CSMD2: variants seen among roughly 807,000 people sequenced by gnomAD.
CSMD2 encodes the protein CUB and Sushi multiple domains 2.
CSMD2 carries 130 observed loss-of-function variants against 398.5 expected under a neutral mutation model. That is an observed-to-expected ratio of 0.33 (90% CI 0.28 to 0.38). The LOEUF (loss-of-function observed/expected upper bound fraction) is 0.38, where lower values mean the gene tolerates loss of function less well. CSMD2 is among the 10% of genes least tolerant of loss of function. CSMD2 has a pLI of 1.00. For missense variants in CSMD2, 3,829 were observed against 4,764.9 expected (o/e 0.80, Z 5.78); for synonymous variants, 1,828 against 1,908.5 (o/e 0.96, Z 1.10).
At chr1:33,581,200 T>C (rs58276951) in intron 47 of CSMD2, among the ~76,000 whole-genome samples, 7,051 of 151,890 alleles carry the variant, frequency 0.046, 574 homozygotes, top group African/African-American at 0.16. Flanking sequence ...GAGCTGGTTT[T>C]CAAACTGGGA....
intron 5 of CSMD2, among the ~76,000 whole-genome samples, chr1:33,894,467 A>G (rs1255761406): frequency 6.6e-6 from 1 of 152,024 alleles, no homozygotes; most frequent in South Asian, 2.1e-4. Context: ...TCATTCAATG[A>G]CTTTCAGGAA....
chr1:34,092,716 C>T (rs953700488), intron 1 of CSMD2, among the ~76,000 whole-genome samples: 9 of 152,150 alleles, frequency 5.9e-5, no homozygotes, highest in South Asian at 2.1e-4. Flanking sequence ...TAAAAAACGG[C>T]GCACCACGAG....
chr1:33,572,391 G>GTTTT, intron 50 of CSMD2, 115 bp downstream of exon 50: 1 of 823,438 alleles, frequency 1.2e-6, no homozygotes, highest in Non-Finnish European at 1.8e-6. Context: ...CCATGTCCAT[G>GTTTT]TTTTTTTTTT....
At chr1:33,714,887 G>T in intron 20 of CSMD2, 112 bp from the exon 21 acceptor site, 1 of 1,045,910 alleles carries the variant, frequency 9.6e-7, no homozygotes, top group Non-Finnish European at 1.4e-6. Context: ...GACAACGAAA[G>T]ACAGAGAAGA....
At chr1:33,852,099 C>G (rs1191095623) in intron 5 of CSMD2, among the ~76,000 whole-genome samples, 2 of 152,030 alleles carry the variant, frequency 1.3e-5, no homozygotes, top group African/African-American at 4.8e-5. Flanking sequence ...TGCAACTGCT[C>G]CCCCTAATCT....
At chr1:33,915,691 G>A (rs1643685865) in intron 5 of CSMD2, among the ~76,000 whole-genome samples, 1 of 152,230 alleles carries the variant, frequency 6.6e-6, no homozygotes, top group Non-Finnish European at 1.5e-5. Context: ...CTGGAAGACA[G>A]GGAACTGGCA....
chr1:33,577,277 C>G lies in CSMD2; in HGVS notation c.7576+19G>C, dbSNP rs56033555. On this transcript the variant is annotated intron_variant, in intron 49 of 70. Coordinates refer to ENST00000373381, the MANE Select transcript of CSMD2 (RefSeq NM_001281956.2). ...TGGATCCGAGCTACCTTGTGACCCC[C>G]TTTCCACCTGCTTCTCACCTTGACA... 6,074 of 1,585,638 alleles carry G rather than the reference C, an allele frequency of 3.8e-3. 15 individuals carry two copies. Among genetic ancestry groups the G allele is most frequent in the Non-Finnish European group, 4.8e-3 (5,529 of 1,161,928 alleles).
intron 57 of CSMD2, 83 bp downstream of exon 57, chr1:33,545,954 C>T: frequency 1.5e-6 from 2 of 1,369,130 alleles, no homozygotes; most frequent in Non-Finnish European, 2.0e-6. Flanking sequence ...TCTGTGAGCG[C>T]AGGTGCCTGG....
intron 27 of CSMD2, among the ~76,000 whole-genome samples, chr1:33,655,313 T>C (rs1643914866): frequency 1.3e-5 from 2 of 152,208 alleles, no homozygotes; most frequent in African/African-American, 4.8e-5. Context: ...CTCTATTTCC[T>C]CATCTCGAAA....
intron 12 of CSMD2, among the ~76,000 whole-genome samples, chr1:33,784,327 G>A (rs937246088): frequency 6.6e-6 from 1 of 152,046 alleles, no homozygotes; most frequent in Admixed American, 6.5e-5. Context: ...CAAGGACAGG[G>A]AGTCACATCG....
Position 33,935,796 on chromosome 1 carries a change from T to G in CSMD2, c.676A>C (p.Ser226Arg). 1 of 1,613,244 alleles carries G rather than the reference T, an allele frequency of 6.2e-7. No individual in the cohort carries two copies. The highest frequency in any genetic ancestry group is 8.5e-7 in the Non-Finnish European group (1 of 1,179,494). ...VLTCHAGSEN[S>R]ATWDFPLPSC... is the part of the protein sequence containing the mutation. Reference sequence around the variant, plus strand: ...GGCAGGGGGAAGTCCCACGTGGCGCTGTTCTCAGAGCCAGCGTGGCAGGTG... The same window carrying G: ...GGCAGGGGGAAGTCCCACGTGGCGCGGTTCTCAGAGCCAGCGTGGCAGGTG... Residue 226 changes from serine (S) to arginine (R), a missense_variant, in exon 4 of 71, where the codon AGC (serine) becomes CGC (arginine). By Grantham distance (110) the Ser-to-Arg change is moderately radical. Around this residue, in one of 5 missense-constraint regions of CSMD2, gnomAD observed 2,001 missense variants for 2,567.1 expected, o/e 0.78. Transcript: ENST00000373381.
intron 19 of CSMD2, among the ~76,000 whole-genome samples, chr1:33,718,078 A>T (rs1646231820): frequency 6.6e-6 from 1 of 152,160 alleles, no homozygotes; most frequent in South Asian, 2.1e-4. Context: ...ACATCCAAGG[A>T]AACGGAGGCA....
chr1:33,883,550 T>C (rs1641379451), intron 5 of CSMD2, among the ~76,000 whole-genome samples: 1 of 152,180 alleles, frequency 6.6e-6, no homozygotes, highest in Non-Finnish European at 1.5e-5. Context: ...ATTGAAAATG[T>C]AGATTTCCGG....
chr1:33,989,933 T>A (rs898665847), intron 3 of CSMD2, among the ~76,000 whole-genome samples: 1 of 152,102 alleles, frequency 6.6e-6, no homozygotes, highest in Non-Finnish European at 1.5e-5. Context: ...GATGGATGCA[T>A]GAACTTGTGA....
At chr1:33,955,638 A>G (rs1358690344) in intron 3 of CSMD2, among the ~76,000 whole-genome samples, 6 of 152,062 alleles carry the variant, frequency 3.9e-5, no homozygotes, top group African/African-American at 1.4e-4. Flanking sequence ...GAAAGTACCT[A>G]TATTGTAGGG....
intron 3 of CSMD2, among the ~76,000 whole-genome samples, chr1:34,028,454 G>A (rs1448205160): frequency 4.6e-5 from 7 of 152,120 alleles, no homozygotes; most frequent in Non-Finnish European, 1.5e-5. Context: ...CCCTAGCTGA[G>A]AAGCTCAGGA....
At chr1:33,715,579 T>C (rs988672997) in intron 20 of CSMD2, among the ~76,000 whole-genome samples, 1 of 152,142 alleles carries the variant, frequency 6.6e-6, no homozygotes, top group African/African-American at 2.4e-5. Context: ...GACTTCTGCA[T>C]TGGAGGCCTG....
At chr1:33,638,934 A>G (rs958474731) in intron 29 of CSMD2, among the ~76,000 whole-genome samples, 6 of 152,186 alleles carry the variant, frequency 3.9e-5, no homozygotes, top group Non-Finnish European at 8.8e-5. Flanking sequence ...TAGATTTCAG[A>G]AGGGCAGCTG....
At chr1:33,827,143 C>G (rs967826240) in intron 6 of CSMD2, among the ~76,000 whole-genome samples, 3 of 152,196 alleles carry the variant, frequency 2.0e-5, no homozygotes, top group Non-Finnish European at 4.4e-5. Flanking sequence ...CATTCTCCAC[C>G]CTTGTCCCTA....
Sources: gnomAD v4.1 joint callset for allele counts (sites outside exome capture counted in the v4.1 genomes callset) on GRCh38, gnomAD v4.1.1 for gene constraint, gnomAD v4.1.1 regional missense constraint, MANE v1.5 for transcripts, NCBI Gene and HGNC (gene_info 2026-07-23, HGNC 2026-07-21) for gene names.